Variants in TRAPPC3L observed in about 807,000 individuals in gnomAD.
TRAPPC3L encodes the protein trafficking protein particle complex subunit 3L.
TRAPPC3L carries 23 observed loss-of-function variants against 23.7 expected under a neutral mutation model. The observed-to-expected ratio is 0.97, with a 90% CI of 0.70 to 1.37. The LOEUF is 1.37. TRAPPC3L is among the 40% of genes most tolerant of loss of function. The pLI is 0.00. For synonymous variants in TRAPPC3L, 81 were observed against 77.9 expected, an observed-to-expected ratio of 1.04 and a Z score of -0.21; for missense variants, 212 against 216.8, an observed-to-expected ratio of 0.98 and a Z score of 0.14.
At chr6:116,512,123 A>G (rs1227581544) in intron 3 of TRAPPC3L, 10 of 1,613,900 alleles carry the variant, frequency 6.2e-6, no homozygotes, top group Non-Finnish European at 8.5e-6. Flanking sequence ...ACTGATTTGC[A>G]AGGGTAAGCC....
intron 3 of TRAPPC3L, among the ~76,000 whole-genome samples, chr6:116,503,288 A>C (rs1338505428): frequency 7.2e-5 from 11 of 152,230 alleles, no homozygotes; most frequent in Admixed American, 7.2e-4. Flanking sequence ...AGGCCATTAC[A>C]TAATGGTAAA....
chr6:116,531,478 AC>A (rs1045081904), intron 3 of TRAPPC3L, among the ~76,000 whole-genome samples: 6 of 152,136 alleles, frequency 3.9e-5, no homozygotes, highest in African/African-American at 1.4e-4. Flanking sequence ...GAAGTAGAGA[AC>A]CACAAAGACT....
At chr6:116,537,324 C>CATCTGCTTTCCT (rs1773162103) in intron 3 of TRAPPC3L, among the ~76,000 whole-genome samples, 1 of 152,166 alleles carries the variant, frequency 6.6e-6, no homozygotes, top group Non-Finnish European at 1.5e-5. Flanking sequence ...AGATGTTGTA[C>CATCTGCTTTCCT]ATTTTTCTAA....
chr6:116,507,542 AT>A (rs869155470), intron 3 of TRAPPC3L, among the ~76,000 whole-genome samples: 1 of 123,212 alleles, frequency 8.1e-6, no homozygotes, highest in Middle Eastern at 4.2e-3. Flanking sequence ...TGTTCAGTGT[AT>A]TACACACTGT....
rs547886863 is a variant in TRAPPC3L at position 116,533,766 on chromosome 6, AGCGT to A, written c.240+6593_240+6596del. ...AAGAAGGGGCTTTTCTTCTGTCTCT[AGCGT>A]GCCTTTTGTTGGCTTGCTCCTGCTG... On this transcript the variant is annotated intron_variant, in intron 3 of 4. Transcript: ENST00000368602. 1.3e-3 allele frequency among the ~76,000 whole-genome samples: 202 copies of A among 152,270 alleles called. 1 individual carries two copies. Among genetic ancestry groups the A allele is most frequent in the Non-Finnish European group, 2.3e-3 (154 of 68,016 alleles).
intron 3 of TRAPPC3L, among the ~76,000 whole-genome samples, chr6:116,510,017 G>A (rs1215402970): frequency 1.3e-5 from 2 of 152,046 alleles, no homozygotes; most frequent in Non-Finnish European, 2.9e-5. Flanking sequence ...GTGAGCAAAT[G>A]ACATCAATAG....
chr6:116,523,361 T>C lies in TRAPPC3L; in HGVS notation c.240+17002A>G, dbSNP rs1306654713. 2 of 152,236 alleles carry C rather than the reference T, an allele frequency of 1.3e-5. 1 individual carries two copies. The highest frequency in any genetic ancestry group is 1.3e-4 in the Admixed American group (2 of 15,288). The allele number at this position is 152,236 out of a possible 1,614,324, so 9.4% of individuals were successfully genotyped here. On this transcript the variant is annotated intron_variant, in intron 3 of 4. Coordinates refer to ENST00000368602, the MANE Select transcript of TRAPPC3L (RefSeq NM_001139444.3). ...AAACTCTATTTGTAGGTGTTTTCTT[T>C]GTTCCTGTTGTAAATGGTTTCTTTT...
At chr6:116,533,068 A>G (rs908417395) in intron 3 of TRAPPC3L, among the ~76,000 whole-genome samples, 1 of 152,208 alleles carries the variant, frequency 6.6e-6, no homozygotes, top group Non-Finnish European at 1.5e-5. Flanking sequence ...GTGGTAGCTT[A>G]AGGGCCAGTC....
intron 3 of TRAPPC3L, chr6:116,512,191 T>G (rs761308002): frequency 1.2e-6 from 2 of 1,608,618 alleles, no homozygotes; most frequent in Non-Finnish European, 1.7e-6. Flanking sequence ...GCATGCTACC[T>G]ACCGTCAATG....
intron 3 of TRAPPC3L, among the ~76,000 whole-genome samples, chr6:116,531,514 T>A (rs576236117): frequency 3.7e-4 from 56 of 152,274 alleles, no homozygotes; most frequent in African/African-American, 1.3e-3. Flanking sequence ...CAAGATAGAC[T>A]AAAACTGTAA....
chr6:116,511,182 T>TTATA (rs1432076893), intron 3 of TRAPPC3L, among the ~76,000 whole-genome samples: 2 of 70,204 alleles, frequency 2.8e-5, no homozygotes, highest in African/African-American at 4.8e-5. Context: ...CAAAAGCTAT[T>TTATA]GATATATATA....
chr6:116,522,775 CA>C (rs1562343154), intron 3 of TRAPPC3L: 2 of 152,096 alleles, frequency 1.3e-5, no homozygotes, highest in Non-Finnish European at 2.9e-5. Context: ...AGTCGTCTCT[CA>C]AAATGTTATC....
At chr6:116,545,118 C>CATAT (rs1474661939) in intron 1 of TRAPPC3L, among the ~76,000 whole-genome samples, 209 of 149,934 alleles carry the variant, frequency 1.4e-3, no homozygotes, top group African/African-American at 4.3e-3. Context: ...TATATATATA[C>CATAT]ATACATACAT....
At chr6:116,528,759 T>C (rs1772527311) in intron 3 of TRAPPC3L, among the ~76,000 whole-genome samples, 1 of 152,346 alleles carries the variant, frequency 6.6e-6, no homozygotes, top group South Asian at 2.1e-4. Context: ...GTGACTTCCA[T>C]GGAATTCAAT....
chr6:116,540,459 A>G lies in TRAPPC3L; in HGVS notation c.144T>C (p.Gly48=). The change falls in exon 3 of 5, where the codon GGT becomes GGC. Residue 48 remains glycine (G), a synonymous_variant. Transcript: ENST00000368602. ...CCACAAGCCGCGTTCCAATGCCGTA[A>G]CCCCTGTGGATGACGGAAAGAGTGT... The part of the protein sequence containing the change: ...EDVNQYLDKM[G]YGIGTRLVED... 6.4e-7 allele frequency: 1 copy of G among 1,551,172 alleles called. No individual in the cohort carries two copies. The highest frequency in any genetic ancestry group is 8.7e-7 in the Non-Finnish European group (1 of 1,146,666).
chr6:116,538,734 CTTT>C (rs531255700), intron 3 of TRAPPC3L, among the ~76,000 whole-genome samples: 8 of 141,126 alleles, frequency 5.7e-5, no homozygotes, highest in Non-Finnish European at 6.2e-5. Context: ...ATCTTTCTTT[CTTT>C]TTTTTTTTTT....
Position 116,500,509 on chromosome 6 carries a change from C to T in TRAPPC3L, c.398G>A (p.Cys133Tyr), listed in dbSNP as rs1160435846. 5 of 1,551,278 alleles carry T rather than the reference C, an allele frequency of 3.2e-6. No individual in the cohort carries two copies. The highest frequency in any genetic ancestry group is 3.9e-5 in the Admixed American group (2 of 50,866). ...TTCCAAGGCACCTCTGATAATCCCA[C>T]AGAGCAAGTTGCAGTAGCACAGAGA... ...RSSLCYCNLL[C>Y]GIIRGALEMV... The change falls in exon 4 of 5, where the codon TGT (cysteine) becomes TAT (tyrosine). Residue 133 changes from cysteine (C) to tyrosine (Y), a missense_variant. Coordinates refer to ENST00000368602, the MANE Select transcript of TRAPPC3L (RefSeq NM_001139444.3).
Position 116,506,286 on chromosome 6 carries a change from G to T in TRAPPC3L, c.241-5620C>A, listed in dbSNP as rs556842911. On this transcript the variant is annotated intron_variant, in intron 3 of 4. Transcript: ENST00000368602. ...AAATGCCCATCATCACTGTTCATCAGAGAAATGCAAATCAAAACCACAATG... is the reference window on the plus strand; with the variant it reads ...AAATGCCCATCATCACTGTTCATCATAGAAATGCAAATCAAAACCACAATG... 1.3e-4 allele frequency among the ~76,000 whole-genome samples: 20 copies of T among 152,332 alleles called. No individual in the cohort carries two copies. The South Asian group carries it at 3.7e-3, about 28-fold the overall frequency.
At chr6:116,503,538 A>G (rs1476667987) in intron 3 of TRAPPC3L, among the ~76,000 whole-genome samples, 2 of 152,208 alleles carry the variant, frequency 1.3e-5, no homozygotes, top group Non-Finnish European at 2.9e-5. Context: ...ATAGACATCT[A>G]TAGAACTCTC....
Sources: gnomAD v4.1 joint callset for allele counts (sites outside exome capture counted in the v4.1 genomes callset) on GRCh38, gnomAD v4.1.1 for gene constraint, MANE v1.5 for transcripts, NCBI Gene and HGNC (gene_info 2026-07-23, HGNC 2026-07-21) for gene names.